Variants in SPATA17 observed in about 807,000 individuals in gnomAD.
SPATA17 encodes the protein spermatogenesis-associated protein 17.
In SPATA17, 53 loss-of-function variants were observed where a neutral mutation model predicts 62.2. That is an observed-to-expected ratio of 0.85 (90% CI 0.68 to 1.07). The LOEUF (loss-of-function observed/expected upper bound fraction) is 1.07, where lower values mean the gene tolerates loss of function less well. Ranked by LOEUF, SPATA17 falls within the 50% of genes least tolerant of loss-of-function variation. SPATA17 has a pLI of 0.00. For missense variants in SPATA17, 466 were observed against 425.5 expected (o/e 1.10, Z -0.84); for synonymous variants, 146 against 146.8 (o/e 0.99, Z 0.04).
In SPATA17 at chr1:217,819,179, AT is replaced by A. The variant is rs760229724; in HGVS notation, c.1005+17339del. Among the ~76,000 whole-genome samples, 133 of 145,006 alleles carry A rather than the reference AT, an allele frequency of 9.2e-4. No individual in the cohort carries two copies. In the East Asian group the frequency reaches 0.016, roughly 18 times the overall value. ...CTGAAACATTTGAATTCTCACTTTG[AT>A]TTTTTTTTTCTCACAGTGACTTTTT... is the stretch of plus-strand genomic sequence containing the variant. On this transcript the variant is annotated intron_variant, in intron 9 of 10. Coordinates refer to ENST00000366933, the MANE Select transcript of SPATA17 (RefSeq NM_138796.4).
intron 3 of SPATA17, among the ~76,000 whole-genome samples, chr1:217,668,318 G>C (rs1319149001): frequency 1.3e-5 from 2 of 152,118 alleles, no homozygotes; most frequent in East Asian, 3.8e-4. Context: ...CTACATTGTT[G>C]AATGACTTAC....
At chr1:217,825,384 A>G (rs1674968343) in intron 9 of SPATA17, among the ~76,000 whole-genome samples, 6 of 151,774 alleles carry the variant, frequency 4.0e-5, no homozygotes. Context: ...ATGCCATGTC[A>G]TTTTTTTGTT....
intron 9 of SPATA17, among the ~76,000 whole-genome samples, chr1:217,855,717 A>G (rs192828383): frequency 7.1e-6 from 1 of 141,718 alleles, no homozygotes; most frequent in Non-Finnish European, 1.5e-5. Flanking sequence ...TAAGAGAAAG[A>G]CAGAAGGAAC....
At chr1:217,810,966 G>A (rs1436411624) in intron 9 of SPATA17, among the ~76,000 whole-genome samples, 1 of 152,132 alleles carries the variant, frequency 6.6e-6, no homozygotes, top group Non-Finnish European at 1.5e-5. Flanking sequence ...TGAGATTTTG[G>A]TGGGTACACA....
At chr1:217,784,308 G>C (rs1673802301) in intron 8 of SPATA17, among the ~76,000 whole-genome samples, 1 of 152,222 alleles carries the variant, frequency 6.6e-6, no homozygotes, top group East Asian at 1.9e-4. Flanking sequence ...GTTAAAAGTA[G>C]TATATCAGGA....
Position 217,782,302 on chromosome 1 carries a change from G to A in SPATA17, c.852G>A (p.Leu284=). Residue 284 remains leucine (L), a synonymous_variant, in exon 8 of 11, where the codon CTG becomes CTA. Coordinates refer to ENST00000366933, the MANE Select transcript of SPATA17 (RefSeq NM_138796.4). The part of the protein sequence containing the change: ...AREELRREEW[L]QNVNDNMFLP... ...AGGAGCTCAGAAGAGAGGAATGGCT[G>A]CAAAATGTAAATGACAATATGTGAG... 1 of 1,609,376 alleles carries A rather than the reference G, an allele frequency of 6.2e-7. No homozygotes were observed. Among genetic ancestry groups the A allele is most frequent in the Non-Finnish European group, 8.5e-7 (1 of 1,178,056 alleles).
chr1:217,678,942 G>A (rs1318097130), intron 4 of SPATA17, among the ~76,000 whole-genome samples: 6 of 151,302 alleles, frequency 4.0e-5, no homozygotes, highest in Non-Finnish European at 7.4e-5. Flanking sequence ...GTAGTAACCC[G>A]TTCACCTTGA....
chr1:217,667,986 C>G (rs1409230610), intron 3 of SPATA17, among the ~76,000 whole-genome samples: 4 of 152,200 alleles, frequency 2.6e-5, no homozygotes, highest in Non-Finnish European at 4.4e-5. Context: ...TGGATCAGAC[C>G]AGGCAATTCA....
At chr1:217,753,788 A>T (rs1027933424) in intron 6 of SPATA17, among the ~76,000 whole-genome samples, 1 of 152,184 alleles carries the variant, frequency 6.6e-6, no homozygotes, top group Non-Finnish European at 1.5e-5. Context: ...AGGACAAAGT[A>T]CATAACAAAT....
intron 2 of SPATA17, among the ~76,000 whole-genome samples, chr1:217,649,733 CTTT>C (rs34501876): frequency 2.8e-5 from 4 of 141,660 alleles, no homozygotes; most frequent in Non-Finnish European, 4.6e-5. Flanking sequence ...CTCTTTCTCA[CTTT>C]TTTTTTTTTT....
intron 6 of SPATA17, among the ~76,000 whole-genome samples, chr1:217,767,775 A>G (rs1403854616): frequency 6.6e-6 from 1 of 152,124 alleles, no homozygotes; most frequent in Non-Finnish European, 1.5e-5. Context: ...AGCCCTTAGC[A>G]TATTAATCTT....
intron 10 of SPATA17, chr1:217,866,710 T>C (rs1260376718): frequency 6.6e-6 from 1 of 152,098 alleles, no homozygotes; most frequent in African/African-American, 2.4e-5. Flanking sequence ...TGCAGTAGTG[T>C]AGACGGAGAG....
At chr1:217,806,628 G>A (rs750356161) in intron 9 of SPATA17, among the ~76,000 whole-genome samples, 1 of 152,130 alleles carries the variant, frequency 6.6e-6, no homozygotes, top group Non-Finnish European at 1.5e-5. Flanking sequence ...TGTCAATAGA[G>A]CTGATGAAGT....
At chr1:217,633,657 AG>A (rs918824743) in intron 1 of SPATA17, among the ~76,000 whole-genome samples, 3 of 152,218 alleles carry the variant, frequency 2.0e-5, no homozygotes, top group Admixed American at 2.0e-4. Flanking sequence ...CAAGATCCAG[AG>A]GTCCAAATGG....
At chr1:217,664,241 G>A (rs568551417) in intron 3 of SPATA17, among the ~76,000 whole-genome samples, 8 of 151,850 alleles carry the variant, frequency 5.3e-5, no homozygotes, top group African/African-American at 1.9e-4. Flanking sequence ...TTGGGATGGT[G>A]GCAGAAGTTC....
At chr1:217,805,966 C>T (rs1410545463) in intron 9 of SPATA17, among the ~76,000 whole-genome samples, 1 of 152,126 alleles carries the variant, frequency 6.6e-6, no homozygotes, top group Admixed American at 6.5e-5. Flanking sequence ...ACCATATAAT[C>T]AGATATGGGA....
At position 217,868,664 on chromosome 1, in the gene SPATA17, GTTTTTTTTT is replaced by G. The variant is rs34123629; in HGVS notation, c.*1663_*1671del. The G allele has an allele frequency of 1.1e-5, 1 of 88,238 alleles. No homozygotes were observed. The highest frequency in any genetic ancestry group is 4.5e-5 in the African/African-American group (1 of 22,188). 5.5% of individuals were successfully genotyped at this position (88,238 alleles called of 1,614,324 possible). A position where few individuals can be genotyped will look rare whatever the true frequency, so the allele number is the denominator to read the frequency against. The stretch of plus-strand genomic sequence containing the variant: ...TAAACCAGAAAGTATCTGAGACAAT[GTTTTTTTTT>G]TTTTTTTTTTTTTTTTTAATTTCTG... On this transcript the variant is annotated 3_prime_UTR_variant, in exon 11 of 11. Coordinates refer to ENST00000366933, the MANE Select transcript of SPATA17 (RefSeq NM_138796.4).
intron 6 of SPATA17, among the ~76,000 whole-genome samples, chr1:217,767,394 G>A (rs1425781080): frequency 6.6e-6 from 1 of 151,296 alleles, no homozygotes; most frequent in East Asian, 2.0e-4. Context: ...CTGGGTCTGT[G>A]ATTTGGTGTC....
At chr1:217,694,756 T>G (rs2102914362) in intron 5 of SPATA17, among the ~76,000 whole-genome samples, 1 of 149,404 alleles carries the variant, frequency 6.7e-6, no homozygotes, top group African/African-American at 2.4e-5. Context: ...TTATGAAGCT[T>G]AGTTTGGCTG....
Sources: gnomAD v4.1 joint callset for allele counts (sites outside exome capture counted in the v4.1 genomes callset) on GRCh38, gnomAD v4.1.1 for gene constraint, MANE v1.5 for transcripts, NCBI Gene and HGNC (gene_info 2026-07-23, HGNC 2026-07-21) for gene names.